The following STAG1 variants were observed in gnomAD, a reference collection of about 807,000 sequenced individuals.
The protein encoded by STAG1 is cohesin subunit SA-1.
Under a neutral mutation model 170.9 loss-of-function variants are expected in STAG1, and 26 were observed. That is an observed-to-expected ratio of 0.15 (90% CI 0.11 to 0.21). STAG1 has a LOEUF of 0.21. Ranked by LOEUF, STAG1 falls within the 10% of genes least tolerant of loss-of-function variation. The pLI, the probability that STAG1 is intolerant of heterozygous loss-of-function variation, is 1.00. For missense variants in STAG1, 964 were observed against 1,509.5 expected, an observed-to-expected ratio of 0.64 and a Z score of 5.99; for synonymous variants, 514 against 497.7, an observed-to-expected ratio of 1.03 and a Z score of -0.44.
intron 12 of STAG1, among the ~76,000 whole-genome samples, chr3:136,467,147 C>G (rs1196984129): frequency 6.6e-6 from 1 of 152,118 alleles, no homozygotes; most frequent in Non-Finnish European, 1.5e-5. Context: ...GGATCAAATT[C>G]AAACATAACA....
intron 7 of STAG1, among the ~76,000 whole-genome samples, chr3:136,506,202 A>G (rs746035229): frequency 2.0e-5 from 3 of 152,222 alleles, no homozygotes; most frequent in Non-Finnish European, 4.4e-5. Context: ...AGTGAGGCAG[A>G]GCTGAAAATA....
At chr3:136,384,770 GAA>G (rs112181904) in intron 22 of STAG1, among the ~76,000 whole-genome samples, 5 of 99,384 alleles carry the variant, frequency 5.0e-5, no homozygotes, top group African/African-American at 7.2e-5. Flanking sequence ...TCCATTTCAA[GAA>G]AAAAAAAAAA....
At chr3:136,718,344 G>A (rs550651579) in intron 1 of STAG1, among the ~76,000 whole-genome samples, 1 of 152,166 alleles carries the variant, frequency 6.6e-6, no homozygotes, top group African/African-American at 2.4e-5. Flanking sequence ...CATCTGTATT[G>A]TATGAAATTT....
intron 7 of STAG1, among the ~76,000 whole-genome samples, chr3:136,507,440 T>C (rs1374554876): frequency 6.6e-6 from 1 of 152,148 alleles, no homozygotes; most frequent in Non-Finnish European, 1.5e-5. Context: ...CACAGCTCCC[T>C]GCAGCCTCGA....
chr3:136,510,436 C>T (rs1353070477), intron 7 of STAG1, among the ~76,000 whole-genome samples: 1 of 151,446 alleles, frequency 6.6e-6, no homozygotes, highest in African/African-American at 2.4e-5. Context: ...ATTGCAGGCG[C>T]CCACCACCAG....
chr3:136,584,611 G>A (rs1259391183), intron 4 of STAG1, among the ~76,000 whole-genome samples: 1 of 152,130 alleles, frequency 6.6e-6, no homozygotes, highest in Non-Finnish European at 1.5e-5. Context: ...TAATGCTGAG[G>A]TATTTTGATA....
At chr3:136,700,548 C>A (rs897331837) in intron 1 of STAG1, among the ~76,000 whole-genome samples, 1 of 150,786 alleles carries the variant, frequency 6.6e-6, no homozygotes, top group Non-Finnish European at 1.5e-5. Context: ...GCCTCCCAAG[C>A]AGCTGGGATT....
Position 136,338,587 on chromosome 3 carries a change from C to G in STAG1, c.3673-137G>C, listed in dbSNP as rs989398690. On this transcript the variant is annotated intron_variant, in intron 32 of 33. Transcript: ENST00000383202. ...TCAATTTTGAAAGGAAGAAGAGAAT[C>G]TGGCTTTTATATGAAATAGATTTTT... 30 of 649,544 alleles carry G rather than the reference C, an allele frequency of 4.6e-5. No homozygotes were observed. In the African/African-American group the frequency reaches 4.8e-4, roughly 10 times the overall value. The allele number at this position is 649,544 out of a possible 1,614,324, so 40.2% of individuals were successfully genotyped here. A position where few individuals can be genotyped will look rare whatever the true frequency, so the allele number is the denominator to read the frequency against.
intron 4 of STAG1, among the ~76,000 whole-genome samples, chr3:136,581,467 C>T (rs896427079): frequency 6.6e-6 from 1 of 152,062 alleles, no homozygotes; most frequent in Non-Finnish European, 1.5e-5. Flanking sequence ...AAAAAACCAC[C>T]TGTCTTTTTA....
intron 6 of STAG1, among the ~76,000 whole-genome samples, chr3:136,522,637 G>A (rs1013989411): frequency 3.9e-5 from 6 of 151,974 alleles, no homozygotes; most frequent in Admixed American, 3.3e-4. Context: ...TGTTACATAT[G>A]TATACATGTG....
chr3:136,538,148 G>C (rs1935729491), intron 6 of STAG1, among the ~76,000 whole-genome samples: 1 of 152,090 alleles, frequency 6.6e-6, no homozygotes, highest in South Asian at 2.1e-4. Context: ...GATCAGAATA[G>C]TATGAAATAT....
chr3:136,440,349 G>C (rs931781186), intron 15 of STAG1, among the ~76,000 whole-genome samples: 1 of 151,986 alleles, frequency 6.6e-6, no homozygotes, highest in Non-Finnish European at 1.5e-5. Context: ...GTGTTAGCCA[G>C]GATGGTCTCG....
intron 5 of STAG1, among the ~76,000 whole-genome samples, chr3:136,556,552 T>G (rs1937832511): frequency 6.6e-6 from 1 of 151,680 alleles, no homozygotes; most frequent in South Asian, 2.1e-4. Flanking sequence ...ACGAGTTTGC[T>G]GATAGAACTT....
chr3:136,437,423 C>G (rs2088490875), intron 15 of STAG1, among the ~76,000 whole-genome samples: 1 of 152,308 alleles, frequency 6.6e-6, no homozygotes, highest in East Asian at 1.9e-4. Context: ...AAGAGCCAAA[C>G]AGCCACACTG....
At chr3:136,500,401 C>T (rs1007331319) in intron 8 of STAG1, 105 bp from the exon 9 acceptor site, 2 of 732,184 alleles carry the variant, frequency 2.7e-6, no homozygotes, top group Non-Finnish European at 2.2e-6. Flanking sequence ...GGGTAGTTTT[C>T]AATCCTTTTC....
intron 1 of STAG1, among the ~76,000 whole-genome samples, chr3:136,670,477 T>G (rs963405851): frequency 3.3e-5 from 5 of 152,130 alleles, no homozygotes; most frequent in East Asian, 3.8e-4. Context: ...ATACCTTTTT[T>G]GGGGGGTGGG....
chr3:136,551,656 A>G (rs1399575088), intron 5 of STAG1, among the ~76,000 whole-genome samples: 1 of 151,628 alleles, frequency 6.6e-6, no homozygotes, highest in Non-Finnish European at 1.5e-5. Context: ...TCTGTTGCCC[A>G]GGCTGAAGTG....
chr3:136,572,601 CAAA>C (rs11379268), intron 4 of STAG1, among the ~76,000 whole-genome samples: 23 of 66,698 alleles, frequency 3.4e-4, no homozygotes, highest in African/African-American at 1.2e-3. Context: ...AAGACTGTCT[CAAA>C]AAAAAAAAAA....
intron 2 of STAG1, among the ~76,000 whole-genome samples, chr3:136,629,860 A>G (rs1305075881): frequency 6.6e-6 from 1 of 152,168 alleles, no homozygotes; most frequent in African/African-American, 2.4e-5. Flanking sequence ...GAAAGGAACA[A>G]TATCTGCCAT....
Sources: gnomAD v4.1 joint callset for allele counts (sites outside exome capture counted in the v4.1 genomes callset) on GRCh38, gnomAD v4.1.1 for gene constraint, MANE v1.5 for transcripts, NCBI Gene and HGNC (gene_info 2026-07-23, HGNC 2026-07-21) for gene names.